Variants in RGS14 observed in about 807,000 individuals in gnomAD.
RGS14 encodes regulator of G-protein signaling 14.
RGS14 carries 33 observed loss-of-function variants against 63.8 expected under a neutral mutation model. That is an observed-to-expected ratio of 0.52 (90% CI 0.39 to 0.69). The LOEUF (loss-of-function observed/expected upper bound fraction) is 0.69. Ranked by LOEUF, RGS14 falls within the 30% of genes least tolerant of loss-of-function variation. The probability of loss-of-function intolerance (pLI) is 0.00; values close to 1 mark genes in which losing one functional copy is unlikely to be tolerated. For missense variants in RGS14, 739 were observed against 742.9 expected (o/e 0.99, Z 0.06); for synonymous variants, 296 against 320.9 (o/e 0.92, Z 0.83).
Position 177,364,908 on chromosome 5 carries a change from T to C in RGS14, c.46-1055T>C, listed in dbSNP as rs566676827. On this transcript the variant is annotated intron_variant, in intron 1 of 14. Transcript: ENST00000408923. This position sits in a 1 kb window ranked among gnomAD's most constrained non-coding sequence, Gnocchi z 4.6. ...GCATCAGCATCGCCTGGGAGCTTGGTAGAAATGGACAGCCTCAGGCCCCAT... is the reference window on the plus strand; with the variant it reads ...GCATCAGCATCGCCTGGGAGCTTGGCAGAAATGGACAGCCTCAGGCCCCAT... Among the ~76,000 whole-genome samples, 16 of 152,236 alleles carry C rather than the reference T, an allele frequency of 1.1e-4. No homozygotes were observed. Among genetic ancestry groups the C allele is most frequent in the Admixed American group, 6.5e-4 (10 of 15,292 alleles).
chr5:177,367,157 C>A, intron 5 of RGS14, 123 bp downstream of exon 5: 1 of 1,325,802 alleles, frequency 7.5e-7, no homozygotes, highest in Non-Finnish European at 1.0e-6. Flanking sequence ...GAGACAGAGC[C>A]AAATGCCGGG....
At chr5:177,366,847 G>A (rs751067894) in intron 4 of RGS14, 44 bp from the exon 5 acceptor site, 2 of 1,613,826 alleles carry the variant, frequency 1.2e-6, no homozygotes, top group East Asian at 2.2e-5. Flanking sequence ...GAGGGGAACT[G>A]GGCCACGCTC....
intron 1 of RGS14, among the ~76,000 whole-genome samples, chr5:177,363,266 C>G (rs1385835825): frequency 6.6e-6 from 1 of 151,956 alleles, no homozygotes; most frequent in Non-Finnish European, 1.5e-5. Context: ...GGGGATTTGA[C>G]TCTGCGGGGA....
chr5:177,366,980 C>CG lies in RGS14; in HGVS notation c.430dup (p.Glu144GlyfsTer62). 6.2e-7 allele frequency: 1 copy of CG among 1,613,588 alleles called. No individual in the cohort carries two copies. The highest frequency in any genetic ancestry group is 8.5e-7 in the Non-Finnish European group (1 of 1,179,986). On this transcript the variant is annotated frameshift_variant, in exon 5 of 15. Transcript: ENST00000408923. LOFTEE classifies it high-confidence loss of function. ...ACATCGACCGTCAGGCCTGGCTTGG[C>CG]GAGGAGGTGCTGGCCGAGCCCCGGC...
At position 177,372,122 on chromosome 5, in the gene RGS14, A is replaced by C; in HGVS notation, c.*47A>C. 6.4e-7 allele frequency: 1 copy of C among 1,561,280 alleles called. No homozygotes were observed. Among genetic ancestry groups the C allele is most frequent in the South Asian group, 1.1e-5 (1 of 88,362 alleles). Reference sequence around the variant, plus strand: ...CAGCTGCATGGCACCCGGCGGGCCGAGCATGCCATGGGTCCGCTCTGCATG... The same window carrying C: ...CAGCTGCATGGCACCCGGCGGGCCGCGCATGCCATGGGTCCGCTCTGCATG... On this transcript the variant is annotated 3_prime_UTR_variant, in exon 15 of 15. Coordinates refer to ENST00000408923, the MANE Select transcript of RGS14 (RefSeq NM_006480.5).
At chr5:177,366,115 G>T (rs1762084168) in intron 2 of RGS14, 62 bp from the exon 3 acceptor site, 10 of 1,603,278 alleles carry the variant, frequency 6.2e-6, no homozygotes, top group Non-Finnish European at 8.5e-6. Flanking sequence ...GGGGGAGGGT[G>T]GGTTGTGCCA....
rs763415366 is a variant in RGS14 at position 177,371,135 on chromosome 5, G to T, written c.1255-30G>T. 4.4e-6 allele frequency: 7 copies of T among 1,593,318 alleles called. No individual in the cohort carries two copies. The highest frequency in any genetic ancestry group is 5.1e-6 in the Non-Finnish European group (6 of 1,170,654). The stretch of plus-strand genomic sequence containing the variant: ...CGGGGCCGGGGCCGGGCGGAGGCCT[G>T]TACCGCGGGCTGCTGACCTCTCCCC... On this transcript the variant is annotated intron_variant, in intron 11 of 14. Transcript: ENST00000408923. The surrounding 1 kb of genome is among the most constrained non-coding windows in gnomAD (Gnocchi z 6.1).
intron 10 of RGS14, 97 bp from the exon 11 acceptor site, chr5:177,370,808 T>C (rs1409819503): frequency 1.2e-5 from 17 of 1,439,004 alleles, no homozygotes; most frequent in Non-Finnish European, 1.5e-5. Context: ...CAGTCCCACC[T>C]TCTGCAGTTC....
rs1026380510 is a variant in RGS14 at position 177,361,134 on chromosome 5, C to G, written c.45+3065C>G. On this transcript the variant is annotated intron_variant, in intron 1 of 14. Coordinates refer to ENST00000408923, the MANE Select transcript of RGS14 (RefSeq NM_006480.5). ...CCTGCAAGGCAAAGCCCATGCAGCTCTCTCTTTGTCCCTCGCGTCCAGCTC... is the reference window on the plus strand; with the variant it reads ...CCTGCAAGGCAAAGCCCATGCAGCTGTCTCTTTGTCCCTCGCGTCCAGCTC... 9.1e-4 allele frequency among the ~76,000 whole-genome samples: 139 copies of G among 152,202 alleles called. 1 individual carries two copies. Among genetic ancestry groups the G allele is most frequent in the Non-Finnish European group, 2.8e-4 (19 of 68,020 alleles).
chr5:177,368,232 T>G lies in RGS14; in HGVS notation c.815T>G (p.Leu272Arg). ...GSLNSSASLDLGFLAFVSSKS... is the reference protein window; with the variant it reads ...GSLNSSASLDRGFLAFVSSKS... ...CTCAACTCCTCCGCCAGCCTGGACC[T>G]TGGCTTCCTAGCCTTCGTCAGCAGC... The change falls in exon 8 of 15, where the codon CTT becomes CGT. Residue 272 changes from leucine (L) to arginine (R), a missense_variant. By Grantham distance (102) the Leu-to-Arg change is moderately radical. Coordinates refer to ENST00000408923, the MANE Select transcript of RGS14 (RefSeq NM_006480.5). The G allele has an allele frequency of 6.2e-7, 1 of 1,613,746 alleles. No individual in the cohort carries two copies.
At position 177,372,065 on chromosome 5, in the gene RGS14, C is replaced by T; in HGVS notation, c.1691C>T (p.Ser564Leu). Reference sequence around the variant, plus strand: ...GGATCCTTGAACTCCACCACCGACTCAGCCCTCTGACAGCTACCCAACAGT... The same window carrying T: ...GGATCCTTGAACTCCACCACCGACTTAGCCCTCTGACAGCTACCCAACAGT... ...IGGSLNSTTDSAL is the reference protein window; with the variant it reads ...IGGSLNSTTDLAL Residue 564 changes from serine to leucine, a missense_variant, in exon 15 of 15, where the codon TCA becomes TTA. Ser to Leu is a moderately radical substitution (Grantham distance 145). Transcript: ENST00000408923. The T allele has an allele frequency of 6.2e-7, 1 of 1,613,890 alleles. No individual in the cohort carries two copies. The highest frequency in any genetic ancestry group is 1.1e-5 in the South Asian group (1 of 91,074).
chr5:177,372,280 T>TTGTCC lies in RGS14; in HGVS notation c.*205_*206insTGTCC. ...GCCACCGCCTTGTCCCTCAACAAGC[T>TTGTCC]CACCCCCAATCCCTTGCAGCCAGGC... On this transcript the variant is annotated 3_prime_UTR_variant, in exon 15 of 15. Coordinates refer to ENST00000408923, the MANE Select transcript of RGS14 (RefSeq NM_006480.5). The TTGTCC allele has an allele frequency of 1.7e-6, 1 of 586,624 alleles. No individual in the cohort carries two copies. 36.3% of individuals were successfully genotyped at this position (586,624 alleles called of 1,614,324 possible).
rs1581612670 is a variant in RGS14 at position 177,359,381 on chromosome 5, C to T, written c.45+1312C>T. Among the ~76,000 whole-genome samples, 1 of 152,228 alleles carries T rather than the reference C, an allele frequency of 6.6e-6. No individual in the cohort carries two copies. Among genetic ancestry groups the T allele is most frequent in the South Asian group, 2.1e-4 (1 of 4,834 alleles). On this transcript the variant is annotated intron_variant, in intron 1 of 14. Transcript: ENST00000408923. The surrounding 1 kb of genome is among the most constrained non-coding windows in gnomAD (Gnocchi z 4.4). The stretch of plus-strand genomic sequence containing the variant: ...CCCATGTCACAGGCATGACACTTCG[C>T]TCGTCCTTGCCTAGGCGACCGGGCC...
Position 177,371,809 on chromosome 5 carries a change from C to T in RGS14, c.1499-64C>T. ...CAGTGGCCACAGTAAGGCAGTGGGA[C>T]TATCGTGGGCTGGCATATAGGCAGG... On this transcript the variant is annotated intron_variant, in intron 14 of 14. Transcript: ENST00000408923. This position sits in a 1 kb window ranked among gnomAD's most constrained non-coding sequence, Gnocchi z 6.1. The T allele has an allele frequency of 2.0e-6, 3 of 1,507,012 alleles. No homozygotes were observed. The African/African-American group carries it at 4.1e-5, about 21-fold the overall frequency. 93.4% of individuals were successfully genotyped at this position (1,507,012 alleles called of 1,614,324 possible). A position where few individuals can be genotyped will look rare whatever the true frequency, so the allele number is the denominator to read the frequency against.
chr5:177,358,099 A>G lies in RGS14; in HGVS notation c.45+30A>G. On this transcript the variant is annotated intron_variant, in intron 1 of 14. Transcript: ENST00000408923. The surrounding 1 kb of genome is among the most constrained non-coding windows in gnomAD (Gnocchi z 4.8). The stretch of plus-strand genomic sequence containing the variant: ...GTGTGGGCTCCGGGCCAGGGCCACG[A>G]GGAGGGGGTGGGCACACCCAGGGTG... 7.5e-7 allele frequency: 1 copy of G among 1,332,642 alleles called. No homozygotes were observed. Among genetic ancestry groups the G allele is most frequent in the Non-Finnish European group, 9.7e-7 (1 of 1,032,052 alleles). The allele number at this position is 1,332,642 out of a possible 1,614,324, so 82.6% of individuals were successfully genotyped here.
intron 3 of RGS14, 45 bp downstream of exon 3, chr5:177,366,400 C>G: frequency 4.7e-6 from 7 of 1,483,156 alleles, no homozygotes; most frequent in Non-Finnish European, 6.3e-6. Context: ...CGGGAGAGGG[C>G]AGGGCGTGGA....
intron 1 of RGS14, among the ~76,000 whole-genome samples, chr5:177,363,668 T>G (rs529889453): frequency 2.9e-4 from 44 of 152,264 alleles, no homozygotes; most frequent in Admixed American, 2.3e-3. Flanking sequence ...TTTATATATA[T>G]TTCACTCATT....
At chr5:177,370,832 T>G (rs1421026438) in intron 10 of RGS14, 73 bp from the exon 11 acceptor site, 1 of 1,542,342 alleles carries the variant, frequency 6.5e-7, no homozygotes, top group African/African-American at 1.4e-5. Context: ...CTCCACCCCC[T>G]CGCGTTTGTC....
intron 7 of RGS14, 97 bp from the exon 8 acceptor site, chr5:177,368,060 G>A: frequency 1.3e-6 from 2 of 1,530,982 alleles, no homozygotes; most frequent in Non-Finnish European, 1.8e-6. Context: ...GCCCCTGCAG[G>A]ATGGCTCCAA....
Sources: gnomAD v4.1 joint callset for allele counts (sites outside exome capture counted in the v4.1 genomes callset) on GRCh38, gnomAD v4.1.1 for gene constraint, Gnocchi (gnomAD v3.1) non-coding constraint, MANE v1.5 for transcripts, NCBI Gene and HGNC (gene_info 2026-07-23, HGNC 2026-07-21) for gene names.